Variants in EML6 observed in about 807,000 individuals in gnomAD.
EML6 encodes echinoderm microtubule-associated protein-like 6.
A neutral mutation model predicts 240.1 loss-of-function variants in EML6; 154 were observed. That is an observed-to-expected ratio of 0.64 (90% CI 0.56 to 0.73). EML6 has a LOEUF of 0.73. Among genes scored for constraint, EML6 ranks in the 30% least tolerant of loss-of-function variants. The pLI is 0.00. For missense variants in EML6, 2,964 were observed against 2,474.6 expected, an observed-to-expected ratio of 1.20 and a Z score of -4.20; for synonymous variants, 1,148 against 899.0, an observed-to-expected ratio of 1.28 and a Z score of -4.95.
At chr2:54,869,398 C>T in intron 15 of EML6, 31 bp downstream of exon 15, 1 of 1,439,822 alleles carries the variant, frequency 6.9e-7, no homozygotes, top group African/African-American at 1.4e-5. Context: ...AGGGCCTAGC[C>T]AAAAAGAGAA....
chr2:54,843,974 G>GTC, intron 7 of EML6, 73 bp from the exon 8 acceptor site: 9 of 880,854 alleles, frequency 1.0e-5, no homozygotes, highest in Non-Finnish European at 1.3e-5. Context: ...TTGTGTGTGT[G>GTC]TGTGTGTGTG....
At chr2:54,855,673 C>T in intron 11 of EML6, among the ~76,000 whole-genome samples, 1 of 152,120 alleles carries the variant, frequency 6.6e-6, no homozygotes, top group East Asian at 1.9e-4. Flanking sequence ...AGTAGCAAAA[C>T]CCACCTCAGC....
At position 54,957,837 on chromosome 2, in the gene EML6, G is replaced by A. The variant is rs754068579; in HGVS notation, c.4534G>A (p.Val1512Met). The A allele has an allele frequency of 1.3e-6, 2 of 1,550,424 alleles. No homozygotes were observed. The highest frequency in any genetic ancestry group is 1.4e-5 in the African/African-American group (1 of 73,010). ...RGGHLERIFVVEFRPDSDTQF... is the reference protein window; with the variant it reads ...RGGHLERIFVMEFRPDSDTQF... ...GGGTCACCTGGAGCGCATATTTGTG[G>A]TGGAATTTCGCCCCGACTCAGACAC... The change falls in exon 33 of 42, where the codon GTG becomes ATG. Residue 1512 changes from valine to methionine, a missense_variant. Physicochemically the swap from Val to Met is conservative, Grantham distance 21. Transcript: ENST00000356458.
At chr2:54,891,030 T>G in intron 17 of EML6, 24 bp from the exon 18 acceptor site, 2 of 1,185,888 alleles carry the variant, frequency 1.7e-6, no homozygotes, top group Non-Finnish European at 1.2e-6. Context: ...AACTAGAATC[T>G]TATTTCCTAT....
chr2:54,791,164 G>A (rs551546630), intron 2 of EML6, among the ~76,000 whole-genome samples: 67 of 152,296 alleles, frequency 4.4e-4, no homozygotes, highest in African/African-American at 1.5e-3. Context: ...GAGGGAGGAC[G>A]TGTAGGGTTT....
intron 22 of EML6, among the ~76,000 whole-genome samples, 189 bp downstream of exon 22, chr2:54,899,971 C>G (rs1672969747): frequency 1.3e-5 from 2 of 152,184 alleles, no homozygotes; most frequent in Admixed American, 1.3e-4. Context: ...GAAGGCTGGC[C>G]TAATCCAGCT....
intron 27 of EML6, 39 bp downstream of exon 27, chr2:54,928,553 G>GCACCTCCCAA: frequency 6.5e-7 from 1 of 1,549,206 alleles, no homozygotes; most frequent in South Asian, 1.2e-5. Flanking sequence ...TGCGCCGAAT[G>GCACCTCCCAA]CACCTCCCAA....
intron 2 of EML6, among the ~76,000 whole-genome samples, chr2:54,807,462 T>G (rs996522210): frequency 4.6e-5 from 7 of 152,210 alleles, no homozygotes; most frequent in Non-Finnish European, 5.9e-5. Flanking sequence ...TTATCCTATC[T>G]CTTAAGTCTA....
At chr2:54,818,002 C>A (rs1478133514) in intron 4 of EML6, among the ~76,000 whole-genome samples, 1 of 144,642 alleles carries the variant, frequency 6.9e-6, no homozygotes, top group Non-Finnish European at 1.5e-5. Flanking sequence ...CAGATAGAAT[C>A]CTCTGGGGAG....
rs969322792 is a variant in EML6, at chr2:54,725,007, G to C, written c.-55G>C. The C allele has an allele frequency of 8.6e-6, 12 of 1,395,028 alleles. No individual in the cohort carries two copies. Among genetic ancestry groups the C allele is most frequent in the Middle Eastern group, 2.6e-4 (1 of 3,774 alleles). The allele number at this position is 1,395,028 out of a possible 1,614,324, so 86.4% of individuals were successfully genotyped here. On this transcript the variant is annotated 5_prime_UTR_variant, in exon 2 of 42. Coordinates refer to ENST00000356458, the MANE Select transcript of EML6 (RefSeq NM_001039753.4). The surrounding 1 kb of genome is among the most constrained non-coding windows in gnomAD (Gnocchi z 4.3). ...GCAGGTCCGCCGCAGCCCCAGCCTC[G>C]GCGAGGACGGCCCCGGCGCGCGGGG...
At chr2:54,798,203 C>T (rs1475562787) in intron 2 of EML6, among the ~76,000 whole-genome samples, 3 of 152,078 alleles carry the variant, frequency 2.0e-5, no homozygotes, top group South Asian at 2.1e-4. Flanking sequence ...GATGGAGTCT[C>T]GCCCTGTTGC....
intron 2 of EML6, among the ~76,000 whole-genome samples, chr2:54,793,503 G>T: frequency 6.6e-6 from 1 of 150,718 alleles, no homozygotes; most frequent in African/African-American, 2.4e-5. Flanking sequence ...GCAATTCAAG[G>T]AAGGCAAATG....
chr2:54,961,886 C>T (rs540972463), intron 35 of EML6, among the ~76,000 whole-genome samples: 1 of 151,564 alleles, frequency 6.6e-6, no homozygotes, highest in South Asian at 2.1e-4. Flanking sequence ...CACCTGTAGT[C>T]CTAGCTACTG....
At chr2:54,906,355 A>C (rs143520752) in intron 24 of EML6, among the ~76,000 whole-genome samples, 80 of 152,358 alleles carry the variant, frequency 5.3e-4, no homozygotes, top group African/African-American at 1.8e-3. Flanking sequence ...GATAGAAAGC[A>C]CAAGATCTCG....
chr2:54,940,939 A>G (rs1183529702), intron 28 of EML6, among the ~76,000 whole-genome samples: 1 of 152,356 alleles, frequency 6.6e-6, no homozygotes, highest in East Asian at 1.9e-4. Flanking sequence ...GTGCTTTGTC[A>G]GCAGGTTTAC....
At chr2:54,946,435 CT>C (rs1675697381) in intron 28 of EML6, among the ~76,000 whole-genome samples, 1 of 152,172 alleles carries the variant, frequency 6.6e-6, no homozygotes, top group Non-Finnish European at 1.5e-5. Flanking sequence ...GTCCTCATGC[CT>C]CCACTCCTTC....
chr2:54,779,451 C>T (rs1009586441), intron 2 of EML6, among the ~76,000 whole-genome samples: 5 of 150,028 alleles, frequency 3.3e-5, no homozygotes, highest in Non-Finnish European at 5.9e-5. Context: ...GAGGCTGAGG[C>T]AGGAGAATCG....
At chr2:54,950,540 C>T (rs754706874) in intron 29 of EML6, 110 bp from the exon 30 acceptor site, 170 of 1,242,140 alleles carry the variant, frequency 1.4e-4, no homozygotes, top group Non-Finnish European at 1.7e-4. Context: ...TTGGCGTCAC[C>T]AGCCATACCG....
intron 13 of EML6, among the ~76,000 whole-genome samples, chr2:54,865,130 T>TA (rs1311927950): frequency 6.6e-6 from 1 of 152,118 alleles, no homozygotes; most frequent in Non-Finnish European, 1.5e-5. Flanking sequence ...TTAAACACAA[T>TA]ACAGAATTTA....
Sources: allele counts gnomAD v4.1 joint callset (sites outside exome capture counted in the v4.1 genomes callset), GRCh38; gene constraint gnomAD v4.1.1; non-coding constraint Gnocchi (gnomAD v3.1); transcripts MANE v1.5; gene names NCBI Gene and HGNC (gene_info 2026-07-23, HGNC 2026-07-21).